The following CREB5 variants were observed in gnomAD, a reference collection of about 807,000 sequenced individuals.
CREB5 encodes cAMP responsive element binding protein 5.
A neutral mutation model predicts 57.1 loss-of-function variants in CREB5; 19 were observed. The observed-to-expected ratio is 0.33, with a 90% CI of 0.23 to 0.49. The LOEUF is 0.49. Ranked by LOEUF, CREB5 falls within the 20% of genes least tolerant of loss-of-function variation. CREB5 has a pLI of 0.99. For missense variants in CREB5, 579 were observed against 671.6 expected, an observed-to-expected ratio of 0.86 and a Z score of 1.52; for synonymous variants, 238 against 238.3, an observed-to-expected ratio of 1.00 and a Z score of 0.01.
chr7:28,580,558 G>GGGGTGT, intron 5 of CREB5, among the ~76,000 whole-genome samples: 1 of 124,974 alleles, frequency 8.0e-6, no homozygotes, highest in Non-Finnish European at 1.7e-5. Flanking sequence ...TTGGCAAATT[G>GGGGTGT]GTGTGTGTGT....
intron 4 of CREB5, among the ~76,000 whole-genome samples, chr7:28,534,366 C>A (rs908511270): frequency 4.6e-5 from 7 of 152,198 alleles, no homozygotes; most frequent in African/African-American, 1.2e-4. Context: ...CGTCCTCCCC[C>A]GCGAGCCCTC....
At chr7:28,493,472 T>C (rs1562754830) in intron 2 of CREB5, among the ~76,000 whole-genome samples, 2 of 152,212 alleles carry the variant, frequency 1.3e-5, no homozygotes. Flanking sequence ...TGGCAGGAAG[T>C]TCTTCATAAT....
intron 5 of CREB5, among the ~76,000 whole-genome samples, chr7:28,671,195 G>A (rs1232841158): frequency 1.3e-5 from 2 of 151,644 alleles, no homozygotes; most frequent in African/African-American, 4.8e-5. Context: ...GGTCAAGGCC[G>A]CAGTGAGCCG....
intron 1 of CREB5, among the ~76,000 whole-genome samples, chr7:28,418,935 C>G (rs1788124038): frequency 6.6e-6 from 1 of 152,190 alleles, no homozygotes; most frequent in Admixed American, 6.5e-5. Context: ...AAATAACATT[C>G]TTTCGGGTGC....
intron 5 of CREB5, among the ~76,000 whole-genome samples, chr7:28,608,270 C>T (rs1382545321): frequency 6.6e-6 from 1 of 152,036 alleles, no homozygotes; most frequent in Non-Finnish European, 1.5e-5. Flanking sequence ...CATATTTTCC[C>T]ATGTTCTTTT....
chr7:28,723,151 C>T (rs1338533483), intron 6 of CREB5, among the ~76,000 whole-genome samples: 3 of 152,166 alleles, frequency 2.0e-5, no homozygotes, highest in Non-Finnish European at 2.9e-5. Context: ...CATTTCCATC[C>T]GTTGGCAAAT....
chr7:28,642,336 C>T (rs796310230), intron 5 of CREB5, among the ~76,000 whole-genome samples: 1 of 152,110 alleles, frequency 6.6e-6, no homozygotes, highest in African/African-American at 2.4e-5. Flanking sequence ...TGGATAGCAA[C>T]CAAATAAGCT....
intron 1 of CREB5, among the ~76,000 whole-genome samples, chr7:28,464,083 C>T (rs909741440): frequency 2.6e-5 from 4 of 152,062 alleles, no homozygotes; most frequent in Non-Finnish European, 5.9e-5. Context: ...TTGTAGGCAG[C>T]TTTGATGCAG....
At chr7:28,313,020 T>C (rs908317996) in intron 1 of CREB5, among the ~76,000 whole-genome samples, 1 of 152,166 alleles carries the variant, frequency 6.6e-6, no homozygotes, top group Non-Finnish European at 1.5e-5. Flanking sequence ...CCAGTGGTAG[T>C]TTAGGTCGGT....
intron 2 of CREB5, among the ~76,000 whole-genome samples, chr7:28,490,675 C>T (rs182781409): frequency 7.9e-5 from 12 of 152,256 alleles, no homozygotes; most frequent in African/African-American, 2.6e-4. Context: ...TGGCCTCTAC[C>T]CACTAGATCC....
At chr7:28,366,245 A>G (rs1191848558) in intron 1 of CREB5, among the ~76,000 whole-genome samples, 1 of 152,178 alleles carries the variant, frequency 6.6e-6, no homozygotes, top group Admixed American at 6.5e-5. Context: ...GTAAGTCAAA[A>G]CTTTTTTAGA....
chr7:28,822,085 CTCAA>C lies in CREB5; in HGVS notation c.*2808_*2811del, dbSNP rs1272781882. The C allele has an allele frequency of 6.6e-6, 1 of 152,332 alleles. No homozygotes were observed. The highest frequency in any genetic ancestry group is 1.5e-5 in the Non-Finnish European group (1 of 68,036). 9.4% of individuals were successfully genotyped at this position (152,332 alleles called of 1,614,324 possible). ...TTTGACTGATGTGCATTATATATAGCTCAATTATGTCTGTTTTTTATGCTAAGTA... is the reference window on the plus strand; with the variant it reads ...TTTGACTGATGTGCATTATATATAGCTTATGTCTGTTTTTTATGCTAAGTA... On this transcript the variant is annotated 3_prime_UTR_variant, in exon 11 of 11. Transcript: ENST00000357727.
chr7:28,781,616 C>T (rs1341482008), intron 7 of CREB5, among the ~76,000 whole-genome samples: 1 of 152,202 alleles, frequency 6.6e-6, no homozygotes, highest in East Asian at 1.9e-4. Context: ...CCAAGGTGGT[C>T]TCCATGCTAG....
chr7:28,678,496 TAA>T lies in CREB5; in HGVS notation c.465-40254_465-40253del, dbSNP rs1800429189. ...AAATCAAAACTTATACCAAAGCATT[TAA>T]AAGAGTCACTATGATCATTTTATTA... On this transcript the variant is annotated intron_variant, in intron 5 of 10. Coordinates refer to ENST00000357727, the MANE Select transcript of CREB5 (RefSeq NM_182898.4). Among the ~76,000 whole-genome samples the T allele has an allele frequency of 3.3e-5, 5 of 152,346 alleles. No individual in the cohort carries two copies. In the South Asian group the frequency reaches 1.0e-3, roughly 32 times the overall value.
At chr7:28,546,795 A>G (rs1045369226) in intron 4 of CREB5, among the ~76,000 whole-genome samples, 1 of 152,214 alleles carries the variant, frequency 6.6e-6, no homozygotes, top group African/African-American at 2.4e-5. Context: ...TCAAGCCCAG[A>G]TTCTGCTACT....
chr7:28,500,963 C>T (rs907280921), intron 3 of CREB5, among the ~76,000 whole-genome samples: 1 of 152,112 alleles, frequency 6.6e-6, no homozygotes, highest in African/African-American at 2.4e-5. Flanking sequence ...TGGCTTGCAC[C>T]AGAGGGCAGC....
intron 5 of CREB5, among the ~76,000 whole-genome samples, chr7:28,688,590 C>CT (rs1029692509): frequency 3.5e-4 from 53 of 152,270 alleles, no homozygotes; most frequent in African/African-American, 1.3e-3. Flanking sequence ...GACAATACTC[C>CT]TATTCTTCAG....
At chr7:28,423,942 A>G (rs1416748507) in intron 1 of CREB5, among the ~76,000 whole-genome samples, 16 of 151,932 alleles carry the variant, frequency 1.1e-4, no homozygotes, top group Admixed American at 6.6e-5. Flanking sequence ...AGTAGCACAA[A>G]CTCGGGGGCT....
At chr7:28,689,434 CT>C (rs1801130073) in intron 5 of CREB5, among the ~76,000 whole-genome samples, 1 of 152,142 alleles carries the variant, frequency 6.6e-6, no homozygotes, top group African/African-American at 2.4e-5. Context: ...AGCCACTGTA[CT>C]CCAGCCTGGG....
Sources: allele counts gnomAD v4.1 joint callset (sites outside exome capture counted in the v4.1 genomes callset), GRCh38; gene constraint gnomAD v4.1.1; transcripts MANE v1.5; gene names NCBI Gene and HGNC (gene_info 2026-07-23, HGNC 2026-07-21).